The following RAD51B variants were observed in gnomAD, a reference collection of about 807,000 sequenced individuals.
The protein encoded by RAD51B is RAD51 paralog B.
RAD51B carries 38 observed loss-of-function variants against 42.2 expected under a neutral mutation model. The ratio of observed to expected loss-of-function variants is 0.90; its 90% CI spans 0.70 to 1.18. The LOEUF is 1.18. RAD51B is among the 50% of genes most tolerant of loss of function. RAD51B has a pLI of 0.00. For synonymous variants in RAD51B, 154 were observed against 145.2 expected (o/e 1.06, Z -0.43); for missense variants, 373 against 400.7 (o/e 0.93, Z 0.59).
chr14:67,824,212 A>G (rs556769786), intron 2 of RAD51B, among the ~76,000 whole-genome samples: 4 of 152,158 alleles, frequency 2.6e-5, no homozygotes, highest in African/African-American at 9.6e-5. Context: ...GGCACACACC[A>G]CTGTGCCTGG....
At chr14:67,867,832 G>A (rs1869455163) in intron 5 of RAD51B, among the ~76,000 whole-genome samples, 1 of 152,202 alleles carries the variant, frequency 6.6e-6, no homozygotes, top group Non-Finnish European at 1.5e-5. Context: ...CTCTGTATGT[G>A]TTCACATTGT....
At chr14:68,369,183 G>A (rs1397687275) in intron 8 of RAD51B, among the ~76,000 whole-genome samples, 1 of 152,144 alleles carries the variant, frequency 6.6e-6, no homozygotes, top group African/African-American at 2.4e-5. Context: ...TGAGTCTCAA[G>A]GTTGTTTATG....
At chr14:67,927,678 T>G (rs1203189546) in intron 7 of RAD51B, among the ~76,000 whole-genome samples, 1 of 151,656 alleles carries the variant, frequency 6.6e-6, no homozygotes, top group African/African-American at 2.4e-5. Flanking sequence ...TCATTCTTTT[T>G]TATGGCTGAA....
At chr14:67,825,729 C>A in intron 3 of RAD51B, 152 bp downstream of exon 3, 1 of 567,046 alleles carries the variant, frequency 1.8e-6, no homozygotes, top group Non-Finnish European at 2.8e-6. Flanking sequence ...AAGGAAAATA[C>A]ATGTGAAAAT....
chr14:68,590,385 C>T (rs937143890), intron 10 of RAD51B, among the ~76,000 whole-genome samples: 8 of 128,994 alleles, frequency 6.2e-5, no homozygotes, highest in Non-Finnish European at 1.0e-4. Context: ...TCTGGCCACC[C>T]CTTGGATCTA....
intron 10 of RAD51B, among the ~76,000 whole-genome samples, chr14:68,506,950 A>G (rs1885372288): frequency 6.6e-6 from 1 of 152,206 alleles, no homozygotes; most frequent in Non-Finnish European, 1.5e-5. Context: ...GTGGGTACAC[A>G]TTCAATGCTT....
At chr14:68,662,007 ACT>A (rs1359983143) in intron 11 of RAD51B, among the ~76,000 whole-genome samples, 8 of 151,906 alleles carry the variant, frequency 5.3e-5, no homozygotes, top group Non-Finnish European at 5.9e-5. Context: ...CGTGTGACAC[ACT>A]CTCAGTCCCC....
At chr14:67,843,914 TTC>T (rs1566919570) in intron 4 of RAD51B, among the ~76,000 whole-genome samples, 1 of 152,128 alleles carries the variant, frequency 6.6e-6, no homozygotes, top group Non-Finnish European at 1.5e-5. Context: ...TTGCTCTTGC[TTC>T]TCTGTTTCCT....
intron 5 of RAD51B, among the ~76,000 whole-genome samples, chr14:67,865,887 G>T (rs1454891584): frequency 1.3e-5 from 2 of 152,202 alleles, no homozygotes; most frequent in African/African-American, 4.8e-5. Flanking sequence ...AATAAGGAAT[G>T]ATAGAATATC....
At chr14:67,826,752 G>A (rs987376676) in intron 3 of RAD51B, among the ~76,000 whole-genome samples, 5 of 148,988 alleles carry the variant, frequency 3.4e-5, no homozygotes, top group Admixed American at 6.7e-5. Flanking sequence ...GTGTGATCTC[G>A]GCTCAGTGCA....
intron 7 of RAD51B, among the ~76,000 whole-genome samples, chr14:68,131,821 C>G (rs959764917): frequency 2.0e-5 from 3 of 152,128 alleles, no homozygotes; most frequent in African/African-American, 7.2e-5. Flanking sequence ...TAGGAGGGAA[C>G]CAATCAGATT....
intron 7 of RAD51B, among the ~76,000 whole-genome samples, chr14:68,117,744 C>CA (rs2077574041): frequency 6.6e-6 from 1 of 152,116 alleles, no homozygotes; most frequent in African/African-American, 2.4e-5. Flanking sequence ...GAGGTGTGAC[C>CA]ATAAGGTAAT....
intron 10 of RAD51B, chr14:68,469,096 A>G (rs780467347): frequency 5.2e-5 from 27 of 514,520 alleles, no homozygotes; most frequent in Non-Finnish European, 9.7e-5. Context: ...GCTGTGGGGC[A>G]GGAGACCCCA....
intron 7 of RAD51B, among the ~76,000 whole-genome samples, chr14:68,285,088 G>T (rs1367262689): frequency 6.6e-6 from 1 of 152,174 alleles, no homozygotes; most frequent in Non-Finnish European, 1.5e-5. Context: ...CACCGTCATG[G>T]TTGGGGAGCA....
intron 8 of RAD51B, among the ~76,000 whole-genome samples, chr14:68,373,606 CGGGGCCTGTT>C (rs1190083298): frequency 2.0e-5 from 3 of 151,774 alleles, no homozygotes; most frequent in Non-Finnish European, 4.4e-5. Context: ...CTTCATACAC[CGGGGCCTGTT>C]GGTGGGTGGG....
downstream of RAD51B, among the ~76,000 whole-genome samples, chr14:68,613,567 C>T (rs943342045): frequency 6.6e-6 from 1 of 151,810 alleles, no homozygotes; most frequent in Non-Finnish European, 1.5e-5. Context: ...CATTCTCCTG[C>T]CTCAGCTTCC....
At chr14:68,520,831 T>C (rs549724483) in intron 10 of RAD51B, among the ~76,000 whole-genome samples, 1 of 152,230 alleles carries the variant, frequency 6.6e-6, no homozygotes, top group Admixed American at 6.5e-5. Flanking sequence ...TGAAAATAAG[T>C]AAGTGATTAT....
Position 68,347,432 on chromosome 14 carries a change from A to G in RAD51B, c.853+55452A>G, listed in dbSNP as rs551648864. Among the ~76,000 whole-genome samples, 12 of 152,342 alleles carry G rather than the reference A, an allele frequency of 7.9e-5. No homozygotes were observed. In the East Asian group the frequency reaches 2.3e-3, roughly 29 times the overall value. ...TACGATAGCTCATGCTTATAATCCC[A>G]ACATATTGGGAGGCCAAGGCAGAAG... On this transcript the variant is annotated intron_variant, in intron 8 of 10. Coordinates refer to ENST00000471583, the MANE Select transcript of RAD51B (RefSeq NM_133510.4).
intron 10 of RAD51B, among the ~76,000 whole-genome samples, chr14:68,559,802 G>T (rs1241001625): frequency 2.0e-5 from 3 of 152,188 alleles, no homozygotes; most frequent in African/African-American, 7.2e-5. Context: ...CTTGACCACA[G>T]ACACACACGC....
Sources: allele counts gnomAD v4.1 joint callset (sites outside exome capture counted in the v4.1 genomes callset), GRCh38; gene constraint gnomAD v4.1.1; transcripts MANE v1.5; gene names NCBI Gene and HGNC (gene_info 2026-07-23, HGNC 2026-07-21).